PLXNA4: variants seen among roughly 807,000 people sequenced by gnomAD.
The protein encoded by PLXNA4 is plexin-A4.
PLXNA4 carries 44 observed loss-of-function variants against 191.8 expected under a neutral mutation model. The ratio of observed to expected loss-of-function variants is 0.23; its 90% CI spans 0.18 to 0.29. The LOEUF is 0.29. Ranked by LOEUF, PLXNA4 falls within the 10% of genes least tolerant of loss-of-function variation. PLXNA4 has a pLI of 1.00. For synonymous variants in PLXNA4, 1,082 were observed against 1,009.5 expected, an observed-to-expected ratio of 1.07 and a Z score of -1.36; for missense variants, 1,800 against 2,488.8, an observed-to-expected ratio of 0.72 and a Z score of 5.89.
chr7:132,400,149 A>T (rs1045712100), intron 3 of PLXNA4, among the ~76,000 whole-genome samples: 1 of 152,124 alleles, frequency 6.6e-6, no homozygotes, highest in Admixed American at 6.5e-5. Flanking sequence ...CTGTCTGTGT[A>T]TTTGTTACCT....
Position 132,398,888 on chromosome 7 carries a change from G to A in PLXNA4, c.1371+90404C>T, listed in dbSNP as rs896480518. On this transcript the variant is annotated intron_variant, in intron 3 of 31. Coordinates refer to ENST00000321063, the MANE Select transcript of PLXNA4 (RefSeq NM_020911.2). ...AAGGGAGGGCTGTTGTCATCAAGTG[G>A]CATCTTATTACCCCACCTCAGGACA... 2.6e-5 allele frequency among the ~76,000 whole-genome samples: 4 copies of A among 152,116 alleles called. No individual in the cohort carries two copies. The East Asian group carries it at 5.8e-4, about 22-fold the overall frequency.
intron 3 of PLXNA4, among the ~76,000 whole-genome samples, chr7:132,485,668 C>CTGTA (rs1431688197): frequency 6.6e-6 from 1 of 152,188 alleles, no homozygotes; most frequent in African/African-American, 2.4e-5. Flanking sequence ...TGTTAACAGT[C>CTGTA]TGTAGGTTAT....
chr7:132,483,621 T>G (rs1196100522), intron 3 of PLXNA4, among the ~76,000 whole-genome samples: 3 of 152,236 alleles, frequency 2.0e-5, no homozygotes, highest in African/African-American at 4.8e-5. Flanking sequence ...GTGCAGCACT[T>G]TCTTCAATTT....
chr7:132,276,704 A>G (rs1395499032), intron 4 of PLXNA4, among the ~76,000 whole-genome samples: 1 of 152,236 alleles, frequency 6.6e-6, no homozygotes, highest in African/African-American at 2.4e-5. Flanking sequence ...TTAACTCTAC[A>G]TATTTCTAGG....
rs61636936 is a variant in PLXNA4, at chr7:132,172,760, T to A, written c.4017+2018A>T. Among the ~76,000 whole-genome samples the A allele has an allele frequency of 8.1e-5, 10 of 123,398 alleles. No homozygotes were observed. The South Asian group carries it at 9.7e-4, about 12-fold the overall frequency. 81.0% of individuals were successfully genotyped at this position (123,398 alleles called of 152,430 possible). ...CACATGTACCCTAAAACTTAAAGTA[T>A]AATAATAATAATAATAATAATAAAG... On this transcript the variant is annotated intron_variant, in intron 21 of 31. Coordinates refer to ENST00000321063, the MANE Select transcript of PLXNA4 (RefSeq NM_020911.2).
chr7:132,533,669 G>A (rs374103848), intron 1 of PLXNA4, among the ~76,000 whole-genome samples: 41 of 152,356 alleles, frequency 2.7e-4, no homozygotes, highest in African/African-American at 9.4e-4. Flanking sequence ...GCTCTGATCA[G>A]TGGAAGCCGG....
intron 1 of PLXNA4, among the ~76,000 whole-genome samples, chr7:132,514,943 A>G (rs1296186141): frequency 6.6e-6 from 1 of 152,156 alleles, no homozygotes; most frequent in Non-Finnish European, 1.5e-5. Flanking sequence ...TCATTCATTT[A>G]TCCTCTGGGC....
chr7:132,150,634 A>G (rs959296189), intron 25 of PLXNA4, among the ~76,000 whole-genome samples: 16 of 152,250 alleles, frequency 1.1e-4, no homozygotes, highest in African/African-American at 3.9e-4. Flanking sequence ...AGTCTCCTCC[A>G]CTGAAGTGAC....
intron 1 of PLXNA4, among the ~76,000 whole-genome samples, chr7:132,555,719 A>G (rs528435745): frequency 1.3e-5 from 2 of 152,328 alleles, no homozygotes; most frequent in African/African-American, 4.8e-5. Flanking sequence ...AATTACTTTA[A>G]AATGCATCAG....
chr7:132,475,690 TGCCGGGAAGCGAG>T (rs1264578786), intron 3 of PLXNA4, among the ~76,000 whole-genome samples: 1 of 152,080 alleles, frequency 6.6e-6, no homozygotes, highest in Non-Finnish European at 1.5e-5. Context: ...TTAGGCTGGC[TGCCGGGAAGCGAG>T]GTCAGCAAGC....
chr7:132,385,100 G>C, intron 3 of PLXNA4: 1 of 1,564,080 alleles, frequency 6.4e-7, no homozygotes, highest in African/African-American at 1.3e-5. Context: ...GGGGTCACAG[G>C]GAGGTAGATG....
At chr7:132,628,831 G>A (rs1803435936) in intron 2 of PLXNA4, among the ~76,000 whole-genome samples, 1 of 152,142 alleles carries the variant, frequency 6.6e-6, no homozygotes, top group African/African-American at 2.4e-5. Flanking sequence ...ACATCTCAAA[G>A]CATTTTCATC....
At chr7:132,501,999 C>T (rs1359707935) in intron 2 of PLXNA4, among the ~76,000 whole-genome samples, 2 of 152,192 alleles carry the variant, frequency 1.3e-5, no homozygotes, top group South Asian at 2.1e-4. Context: ...AAGCAAGCCT[C>T]GTCTAATGCC....
intron 1 of PLXNA4, among the ~76,000 whole-genome samples, chr7:132,554,670 T>G (rs890405): frequency 0.96 from 146,872 of 152,270 alleles, 71,069 homozygotes; most frequent in East Asian, 1. Flanking sequence ...CTGGCTGGCT[T>G]TACACAGGAG....
At chr7:132,454,849 C>T (rs767850565) in intron 3 of PLXNA4, among the ~76,000 whole-genome samples, 9 of 152,202 alleles carry the variant, frequency 5.9e-5, no homozygotes, top group East Asian at 5.8e-4. Flanking sequence ...ACCAGGAGAG[C>T]GAAGGAATAA....
chr7:132,626,323 C>T (rs1195584497), intron 2 of PLXNA4, among the ~76,000 whole-genome samples: 1 of 152,232 alleles, frequency 6.6e-6, no homozygotes, highest in Non-Finnish European at 1.5e-5. Flanking sequence ...AGGACTTTTG[C>T]CTCAGCTTTG....
intron 1 of PLXNA4, among the ~76,000 whole-genome samples, chr7:132,559,105 T>C (rs1800921078): frequency 1.3e-5 from 2 of 152,132 alleles, no homozygotes; most frequent in African/African-American, 4.8e-5. Flanking sequence ...TGCCTCCTAG[T>C]AAGGAAACAA....
chr7:132,198,589 G>T lies in PLXNA4; in HGVS notation c.2634C>A (p.Ile878=), dbSNP rs749418879. The T allele has an allele frequency of 3.7e-6, 6 of 1,614,112 alleles. No homozygotes were observed. In the Admixed American group the frequency reaches 6.7e-5, roughly 18 times the overall value. The change falls in exon 13 of 32, where the codon ATC becomes ATA. Residue 878 remains isoleucine (I), a synonymous_variant. Coordinates refer to ENST00000321063, the MANE Select transcript of PLXNA4 (RefSeq NM_020911.2). The part of the protein sequence containing the change: ...GPREGGTKVT[I]RGENLGLEFR... ...ATTCCAGGCCCAGGTTCTCCCCTCG[G>T]ATAGTGACCTTGGTGCCCCCTTCCC...
At chr7:132,517,582 G>T (rs1798991608) in intron 1 of PLXNA4, among the ~76,000 whole-genome samples, 1 of 152,230 alleles carries the variant, frequency 6.6e-6, no homozygotes, top group South Asian at 2.1e-4. Context: ...CAAACGTAAT[G>T]CTGGGGGGCT....
Sources: allele counts gnomAD v4.1 joint callset (sites outside exome capture counted in the v4.1 genomes callset), GRCh38; gene constraint gnomAD v4.1.1; transcripts MANE v1.5; gene names NCBI Gene and HGNC (gene_info 2026-07-23, HGNC 2026-07-21).